The following SPATA16 variants were observed in gnomAD, a reference collection of about 807,000 sequenced individuals.
The protein encoded by SPATA16 is spermatogenesis-associated protein 16.
Under a neutral mutation model 63.3 loss-of-function variants are expected in SPATA16, and 36 were observed. The observed-to-expected ratio is 0.57, with a 90% confidence interval of 0.44 to 0.75. The LOEUF (loss-of-function observed/expected upper bound fraction) is 0.75, where lower values mean the gene tolerates loss of function less well. Ranked by LOEUF, SPATA16 falls within the 30% of genes least tolerant of loss-of-function variation. The pLI, the probability that SPATA16 is intolerant of heterozygous loss-of-function variation, is 0.00. For missense variants in SPATA16, 646 were observed against 679.3 expected (o/e 0.95, Z 0.54); for synonymous variants, 203 against 216.7 (o/e 0.94, Z 0.56).
intron 2 of SPATA16, among the ~76,000 whole-genome samples, chr3:173,064,560 T>C (rs1736470141): frequency 6.6e-6 from 1 of 152,106 alleles, no homozygotes; most frequent in Non-Finnish European, 1.5e-5. Context: ...CATCTGCAGG[T>C]TGGACTAAGG....
At chr3:173,048,699 G>T (rs1314498874) in intron 3 of SPATA16, among the ~76,000 whole-genome samples, 3 of 152,044 alleles carry the variant, frequency 2.0e-5, no homozygotes, top group Admixed American at 2.0e-4. Flanking sequence ...GCAGCAATTT[G>T]CTTCTGCAGT....
intron 10 of SPATA16, among the ~76,000 whole-genome samples, chr3:172,894,467 AC>A (rs1398725459): frequency 2.2e-5 from 3 of 136,938 alleles, no homozygotes; most frequent in Non-Finnish European, 3.1e-5. Flanking sequence ...TGGGGTACCT[AC>A]CCCTGAGATT....
intron 2 of SPATA16, among the ~76,000 whole-genome samples, chr3:173,090,479 C>T (rs1737195388): frequency 6.6e-6 from 1 of 152,172 alleles, no homozygotes; most frequent in Admixed American, 6.5e-5. Flanking sequence ...TAAAGTCTTA[C>T]ATTTATGAGT....
intron 2 of SPATA16, among the ~76,000 whole-genome samples, chr3:173,098,203 T>C (rs1181050064): frequency 6.6e-6 from 1 of 151,750 alleles, no homozygotes; most frequent in Non-Finnish European, 1.5e-5. Context: ...TAATAGACAA[T>C]GTACCCAGCC....
At chr3:172,984,427 C>G (rs1268709143) in intron 4 of SPATA16, among the ~76,000 whole-genome samples, 1 of 152,154 alleles carries the variant, frequency 6.6e-6, no homozygotes, top group Non-Finnish European at 1.5e-5. Flanking sequence ...ATCTTCCTTC[C>G]CCCTTACTGC....
intron 2 of SPATA16, among the ~76,000 whole-genome samples, chr3:173,107,156 T>C (rs1314942794): frequency 6.6e-6 from 1 of 152,134 alleles, no homozygotes; most frequent in Non-Finnish European, 1.5e-5. Flanking sequence ...AGCCCTGTCA[T>C]ATCACATCCT....
chr3:173,092,872 C>G (rs529891231), intron 2 of SPATA16, among the ~76,000 whole-genome samples: 9 of 152,122 alleles, frequency 5.9e-5, no homozygotes, highest in Admixed American at 3.3e-4. Flanking sequence ...TTATGCTTAT[C>G]CTTTGGATTT....
intron 10 of SPATA16, among the ~76,000 whole-genome samples, chr3:172,911,145 C>G (rs1365967533): frequency 2.6e-5 from 4 of 152,200 alleles, no homozygotes; most frequent in Admixed American, 6.5e-5. Flanking sequence ...ATCTCTTCAA[C>G]AAACCTTCAA....
chr3:173,104,402 G>A (rs1737571708), intron 2 of SPATA16, among the ~76,000 whole-genome samples: 1 of 152,114 alleles, frequency 6.6e-6, no homozygotes, highest in Non-Finnish European at 1.5e-5. Context: ...ATAAGTTTGG[G>A]TAATTTATAA....
chr3:172,939,984 A>G (rs1733107878), intron 6 of SPATA16, among the ~76,000 whole-genome samples: 1 of 152,212 alleles, frequency 6.6e-6, no homozygotes. Flanking sequence ...TATATAATGA[A>G]AAATCCATAA....
At chr3:172,899,585 A>G (rs1303276150) in intron 10 of SPATA16, among the ~76,000 whole-genome samples, 2 of 151,938 alleles carry the variant, frequency 1.3e-5, no homozygotes, top group African/African-American at 4.8e-5. Context: ...TATTTTGCCA[A>G]TCTCTGTCTT....
At chr3:173,083,374 A>G (rs1304473329) in intron 2 of SPATA16, among the ~76,000 whole-genome samples, 3 of 152,218 alleles carry the variant, frequency 2.0e-5, no homozygotes, top group African/African-American at 7.2e-5. Flanking sequence ...ATAGAGTACT[A>G]TTAAGCCAAT....
intron 5 of SPATA16, among the ~76,000 whole-genome samples, chr3:172,964,250 G>C (rs1389131650): frequency 6.6e-6 from 1 of 152,062 alleles, no homozygotes; most frequent in Non-Finnish European, 1.5e-5. Context: ...TTTGATAGGG[G>C]GCTTAAATAA....
rs574124997 is a variant in SPATA16 at position 172,983,756 on chromosome 3, C to A, written c.849-6704G>T. Among the ~76,000 whole-genome samples, 16 of 152,148 alleles carry A rather than the reference C, an allele frequency of 1.1e-4. 1 individual carries two copies. The South Asian group carries it at 2.5e-3, about 24-fold the overall frequency. On this transcript the variant is annotated intron_variant, in intron 4 of 10. Coordinates refer to ENST00000351008, the MANE Select transcript of SPATA16 (RefSeq NM_031955.6). Reference sequence around the variant, plus strand: ...GCCAACACACACACACAAACACACACACTCACACACACACACACAAAGCAT... The same window carrying A: ...GCCAACACACACACACAAACACACAAACTCACACACACACACACAAAGCAT...
chr3:173,120,942 CAG>C (rs58215959), intron 1 of SPATA16, among the ~76,000 whole-genome samples: 2,309 of 152,132 alleles, frequency 0.015, 62 homozygotes, highest in African/African-American at 0.053. Context: ...GAAAAAATAA[CAG>C]GGGGAAAAAT....
rs190780911 is a variant in SPATA16, at chr3:173,019,629, C to T, written c.759-54G>A. ...TTATTTGGGTTTTAAAAGACAATTA[C>T]CACAAGTGCAATGGAATGAAATCAC... On this transcript the variant is annotated intron_variant, in intron 3 of 10. Transcript: ENST00000351008. 17 of 1,483,482 alleles carry T rather than the reference C, an allele frequency of 1.1e-5. No homozygotes were observed. The East Asian group carries it at 2.9e-4, about 26-fold the overall frequency. The allele number at this position is 1,483,482 out of a possible 1,614,324, so 91.9% of individuals were successfully genotyped here. A position where few individuals can be genotyped will look rare whatever the true frequency, so the allele number is the denominator to read the frequency against.
chr3:173,012,003 T>G (rs1384554554), intron 4 of SPATA16, among the ~76,000 whole-genome samples: 2 of 152,160 alleles, frequency 1.3e-5, no homozygotes, highest in East Asian at 3.9e-4. Flanking sequence ...GTTTGTTTTT[T>G]CTTCAGAAAC....
intron 2 of SPATA16, among the ~76,000 whole-genome samples, chr3:173,081,645 G>A (rs545650858): frequency 4.6e-5 from 7 of 152,032 alleles, no homozygotes; most frequent in Admixed American, 6.6e-5. Flanking sequence ...ACCAGAACAA[G>A]GTAAAGAACT....
At chr3:172,889,832 A>C in intron 10 of SPATA16, 140 bp from the exon 11 acceptor site, 1 of 1,221,312 alleles carries the variant, frequency 8.2e-7, no homozygotes, top group South Asian at 1.5e-5. Flanking sequence ...AGAAATGATT[A>C]CACATAAAAG....
Sources: gnomAD v4.1 joint callset for allele counts (sites outside exome capture counted in the v4.1 genomes callset) on GRCh38, gnomAD v4.1.1 for gene constraint, MANE v1.5 for transcripts, NCBI Gene and HGNC (gene_info 2026-07-23, HGNC 2026-07-21) for gene names.